MAGI1: variants seen among roughly 807,000 people sequenced by gnomAD.
The protein encoded by MAGI1 is membrane associated guanylate kinase, WW and PDZ domain containing 1.
MAGI1 carries 58 observed loss-of-function variants against 139.9 expected under a neutral mutation model. The observed-to-expected ratio is 0.41, with a 90% CI of 0.34 to 0.52. MAGI1 has a LOEUF of 0.52. MAGI1 is among the 20% of genes least tolerant of loss of function. The probability of loss-of-function intolerance (pLI) is 0.12; values close to 1 mark genes in which losing one functional copy is unlikely to be tolerated. For missense variants in MAGI1, 1,874 were observed against 1,901.6 expected, an observed-to-expected ratio of 0.99 and a Z score of 0.27; for synonymous variants, 812 against 737.9, an observed-to-expected ratio of 1.10 and a Z score of -1.63.
At chr3:65,875,520 G>GA (rs1559966981) in intron 1 of MAGI1, among the ~76,000 whole-genome samples, 1 of 152,130 alleles carries the variant, frequency 6.6e-6, no homozygotes, top group Non-Finnish European at 1.5e-5. Flanking sequence ...TGAGGAAATG[G>GA]AAAAAACACA....
rs559026063 is a variant in MAGI1, at chr3:65,705,271, C to T, written c.314-83183G>A. Among the ~76,000 whole-genome samples the T allele has an allele frequency of 5.3e-5, 8 of 150,814 alleles. No homozygotes were observed. The East Asian group carries it at 1.6e-3, about 29-fold the overall frequency. On this transcript the variant is annotated intron_variant, in intron 1 of 22. Coordinates refer to ENST00000402939, the MANE Select transcript of MAGI1 (RefSeq NM_001033057.2). The stretch of plus-strand genomic sequence containing the variant: ...AGCTTAACTGAGTATTTTCTCTGCC[C>T]TAGAAAATTTCACAAAGTGGTTAAC...
chr3:65,966,613 G>T (rs939530298), intron 1 of MAGI1, among the ~76,000 whole-genome samples: 43 of 151,820 alleles, frequency 2.8e-4, no homozygotes, highest in African/African-American at 4.8e-5. Flanking sequence ...GGGTAGGGGG[G>T]AGCGGGGAGA....
chr3:65,922,822 T>C (rs1286545789), intron 1 of MAGI1, among the ~76,000 whole-genome samples: 5 of 152,124 alleles, frequency 3.3e-5, no homozygotes, highest in African/African-American at 1.2e-4. Context: ...GTTCAGCAGG[T>C]TTCTGTCAAA....
chr3:65,682,491 T>A (rs1055991017), intron 1 of MAGI1, among the ~76,000 whole-genome samples: 4 of 152,158 alleles, frequency 2.6e-5, no homozygotes, highest in Admixed American at 6.5e-5. Context: ...CAAATGGAGC[T>A]ACAGCAAGTG....
chr3:65,924,979 G>A (rs1210012852), intron 1 of MAGI1: 1 of 152,170 alleles, frequency 6.6e-6, no homozygotes, highest in South Asian at 2.1e-4. Context: ...CTTTACATAT[G>A]CCGGTCTTAG....
chr3:65,367,794 T>G (rs1222210666), intron 18 of MAGI1, among the ~76,000 whole-genome samples: 1 of 152,194 alleles, frequency 6.6e-6, no homozygotes. Flanking sequence ...GTGTTGGTAT[T>G]GAGGAAATCA....
At chr3:65,620,988 A>C (rs1289746879) in intron 2 of MAGI1, among the ~76,000 whole-genome samples, 1 of 151,364 alleles carries the variant, frequency 6.6e-6, no homozygotes, top group African/African-American at 2.4e-5. Flanking sequence ...ATCAGAAAAC[A>C]TTAGCACTCT....
intron 1 of MAGI1, among the ~76,000 whole-genome samples, chr3:65,839,805 A>G (rs2058744778): frequency 6.6e-6 from 1 of 152,216 alleles, no homozygotes. Flanking sequence ...TGAAGATGAA[A>G]AAATAAGTTA....
At chr3:65,504,786 G>A (rs1156280181) in intron 2 of MAGI1, among the ~76,000 whole-genome samples, 2 of 152,164 alleles carry the variant, frequency 1.3e-5, no homozygotes, top group Non-Finnish European at 2.9e-5. Context: ...GAATACTGAG[G>A]AGGACCAGAA....
intron 2 of MAGI1, among the ~76,000 whole-genome samples, chr3:65,537,237 A>G (rs1383991808): frequency 6.6e-5 from 10 of 152,084 alleles, no homozygotes; most frequent in Non-Finnish European, 1.3e-4. Flanking sequence ...TGCTCAAGCT[A>G]TTACCTCTCC....
intron 2 of MAGI1, among the ~76,000 whole-genome samples, chr3:65,582,161 C>T (rs2081460643): frequency 6.6e-6 from 1 of 152,212 alleles, no homozygotes. Flanking sequence ...TGTAAGCGCC[C>T]TGAAGGCAAG....
intron 1 of MAGI1, among the ~76,000 whole-genome samples, chr3:66,022,654 TA>T (rs1435993568): frequency 6.6e-6 from 1 of 152,146 alleles, no homozygotes; most frequent in Non-Finnish European, 1.5e-5. Context: ...AGTCCCAAAT[TA>T]ACCCATAGCT....
intron 1 of MAGI1, among the ~76,000 whole-genome samples, chr3:65,845,799 T>C (rs1575685269): frequency 6.6e-6 from 1 of 152,224 alleles, no homozygotes; most frequent in African/African-American, 2.4e-5. Flanking sequence ...ACCTGAATTT[T>C]AGAAGTTTCA....
chr3:65,406,018 G>A (rs1024332239), intron 12 of MAGI1, among the ~76,000 whole-genome samples: 3 of 152,154 alleles, frequency 2.0e-5, no homozygotes, highest in Admixed American at 6.5e-5. Flanking sequence ...GAGCCGCCAC[G>A]CCCGGCCTCT....
chr3:65,373,121 C>T (rs910762575), intron 18 of MAGI1, among the ~76,000 whole-genome samples: 5 of 152,290 alleles, frequency 3.3e-5, no homozygotes, highest in African/African-American at 1.2e-4. Context: ...TTTTGACATG[C>T]CTTCCCTCAC....
At chr3:65,760,597 G>A (rs968251813) in intron 1 of MAGI1, among the ~76,000 whole-genome samples, 9 of 151,968 alleles carry the variant, frequency 5.9e-5, no homozygotes, top group African/African-American at 1.9e-4. Flanking sequence ...TTGTAAAGAC[G>A]GGGTCTCCCT....
At chr3:65,525,161 G>A (rs893218365) in intron 2 of MAGI1, among the ~76,000 whole-genome samples, 1 of 151,982 alleles carries the variant, frequency 6.6e-6, no homozygotes, top group Non-Finnish European at 1.5e-5. Context: ...CCAGCTCACT[G>A]CCATCAATCA....
intron 2 of MAGI1, among the ~76,000 whole-genome samples, chr3:65,507,268 T>C (rs922151733): frequency 3.3e-5 from 5 of 152,208 alleles, no homozygotes; most frequent in African/African-American, 1.2e-4. Context: ...AACATATCTT[T>C]CCATTTGTTA....
chr3:65,526,353 T>A (rs1384995019), intron 2 of MAGI1, among the ~76,000 whole-genome samples: 1 of 152,158 alleles, frequency 6.6e-6, no homozygotes, highest in Non-Finnish European at 1.5e-5. Flanking sequence ...TTGTATTTCA[T>A]TTGAAATTTA....
Sources: allele counts gnomAD v4.1 joint callset (sites outside exome capture counted in the v4.1 genomes callset), GRCh38; gene constraint gnomAD v4.1.1; transcripts MANE v1.5; gene names NCBI Gene and HGNC (gene_info 2026-07-23, HGNC 2026-07-21).